Variants in ROBO3 observed in about 807,000 individuals in gnomAD.
The protein encoded by ROBO3 is roundabout homolog 3.
Under a neutral mutation model 160.5 loss-of-function variants are expected in ROBO3, and 97 were observed. The ratio of observed to expected loss-of-function variants is 0.60; its 90% CI spans 0.51 to 0.72. The LOEUF (loss-of-function observed/expected upper bound fraction) is 0.72, where lower values mean the gene tolerates loss of function less well. Among genes scored for constraint, ROBO3 ranks in the 30% least tolerant of loss-of-function variants. The pLI is 0.00. For missense variants in ROBO3, 1,858 were observed against 1,846.5 expected, an observed-to-expected ratio of 1.01 and a Z score of -0.11; for synonymous variants, 780 against 746.2, an observed-to-expected ratio of 1.05 and a Z score of -0.74.
Position 124,874,780 on chromosome 11 carries a change from G to A in ROBO3, c.1952-8G>A, listed in dbSNP as rs1415469506. 1.0e-5 allele frequency: 16 copies of A among 1,604,804 alleles called. No homozygotes were observed. The highest frequency in any genetic ancestry group is 2.7e-5 in the African/African-American group (2 of 74,826). ...TGGCCTCTGCTGAATGGGTTCCTTG[G>A]TCAACAGATAGCAGCCCCTCTAGGC... On this transcript the variant is annotated splice_polypyrimidine_tract_variant and splice_region_variant and intron_variant, in intron 12 of 27. Transcript: ENST00000397801.
In ROBO3 at chr11:124,870,294, C is replaced by T. The variant is rs1377020147; in HGVS notation, c.896C>T (p.Pro299Leu). Residue 299 changes from proline (P) to leucine (L), a missense_variant, in exon 5 of 28, where the codon CCC becomes CTC. By Grantham distance (98) the Pro-to-Leu change is moderately conservative. Coordinates refer to ENST00000397801, the MANE Select transcript of ROBO3 (RefSeq NM_022370.4). ...LRWRKEDGEL[P>L]TGRYEIRSDH... The stretch of plus-strand genomic sequence containing the variant: ...TGGCGCAAGGAGGATGGGGAACTGC[C>T]CACAGGCAGGTGAGAGACCCCCTTC... 6.2e-7 allele frequency: 1 copy of T among 1,613,690 alleles called. No homozygotes were observed. The highest frequency in any genetic ancestry group is 1.1e-5 in the South Asian group (1 of 91,038).
chr11:124,878,043 CT>C lies in ROBO3; in HGVS notation c.3095del (p.Phe1032SerfsTer36), dbSNP rs1312585467. The C allele has an allele frequency of 6.2e-7, 1 of 1,612,714 alleles. No homozygotes were observed. The highest frequency in any genetic ancestry group is 1.7e-5 in the Admixed American group (1 of 59,854). On this transcript the variant is annotated frameshift_variant, in exon 21 of 28. Transcript: ENST00000397801. LOFTEE classifies it high-confidence loss of function. This position sits in a 1 kb window ranked among gnomAD's most constrained non-coding sequence, Gnocchi z 4.3. ...IDPAGEELQT[F>X]HGGFPQHPSG... ...ACCCAGCGGGGGAGGAGCTGCAGAC[CT>C]TCCATGGGGGCTTCCCCCAACATCC...
intron 1 of ROBO3, among the ~76,000 whole-genome samples, chr11:124,867,193 G>A (rs1946209504): frequency 6.6e-6 from 1 of 152,172 alleles, no homozygotes; most frequent in Non-Finnish European, 1.5e-5. Flanking sequence ...ATTGGGGCCT[G>A]GTAGAATTTG....
rs776536732 is a variant in ROBO3 at position 124,879,502 on chromosome 11, A to T, written c.3723A>T (p.Pro1241=). ...TWQGNGEMTP[P]LQGPRARFRK... ...AGGGGAATGGGGAGATGACTCCCCC[A>T]CTTCAAGGACCCCGTGCTCGATTCC... The change falls in exon 25 of 28, where the codon CCA becomes CCT. Residue 1241 remains proline (P), a synonymous_variant. Transcript: ENST00000397801. 1 of 1,613,612 alleles carries T rather than the reference A, an allele frequency of 6.2e-7. No individual in the cohort carries two copies. The highest frequency in any genetic ancestry group is 1.7e-4 in the Middle Eastern group (1 of 6,060).
intron 27 of ROBO3, 38 bp downstream of exon 27, chr11:124,880,646 A>G: frequency 3.4e-6 from 5 of 1,491,032 alleles, no homozygotes; most frequent in Non-Finnish European, 4.5e-6. Context: ...AGGGCAGAGG[A>G]CTAGGGAAGG....
Position 124,872,048 on chromosome 11 carries a change from A to G in ROBO3, c.1159-333A>G, listed in dbSNP as rs1946285323. Among the ~76,000 whole-genome samples, 1 of 152,198 alleles carries G rather than the reference A, an allele frequency of 6.6e-6. No individual in the cohort carries two copies. The highest frequency in any genetic ancestry group is 1.5e-5 in the Non-Finnish European group (1 of 68,042). ...TGTGTTTACCACAACGTGTTAGAAGACTTTCATATGATTACTTCATGTGAT... is the reference window on the plus strand; with the variant it reads ...TGTGTTTACCACAACGTGTTAGAAGGCTTTCATATGATTACTTCATGTGAT... On this transcript the variant is annotated intron_variant, in intron 7 of 27. Coordinates refer to ENST00000397801, the MANE Select transcript of ROBO3 (RefSeq NM_022370.4). This position sits in a 1 kb window ranked among gnomAD's most constrained non-coding sequence, Gnocchi z 4.3.
rs1385478803 is a variant in ROBO3 at position 124,870,313 on chromosome 11, C to A, written c.905+10C>A. The stretch of plus-strand genomic sequence containing the variant: ...AACTGCCCACAGGCAGGTGAGAGAC[C>A]CCCTTCTGCCTGTAGGAAGACCCAA... On this transcript the variant is annotated intron_variant, in intron 5 of 27. Coordinates refer to ENST00000397801, the MANE Select transcript of ROBO3 (RefSeq NM_022370.4). 8 of 1,611,474 alleles carry A rather than the reference C, an allele frequency of 5.0e-6. No homozygotes were observed. Among genetic ancestry groups the A allele is most frequent in the Non-Finnish European group, 6.8e-6 (8 of 1,178,744 alleles).
Position 124,875,294 on chromosome 11 carries a change from G to A in ROBO3, c.2257G>A (p.Gly753Arg). 1 of 1,613,658 alleles carries A rather than the reference G, an allele frequency of 6.2e-7. No individual in the cohort carries two copies. The highest frequency in any genetic ancestry group is 8.5e-7 in the Non-Finnish European group (1 of 1,179,832). ...GCAAGCCCAAGGCCAGGAGGGGCTG[G>A]GGGCTGAAAGCCTCTCTGTGACCAG... ...KVQAQGQEGL[G>R]AESLSVTRSI... Residue 753 changes from glycine to arginine, a missense_variant, in exon 14 of 28, where the codon GGG becomes AGG. Gly to Arg is a moderately radical substitution (Grantham distance 125). Coordinates refer to ENST00000397801, the MANE Select transcript of ROBO3 (RefSeq NM_022370.4).
rs1946505879 is a variant in ROBO3, at chr11:124,879,567, G to C, written c.3788G>C (p.Ser1263Thr). 1.2e-6 allele frequency: 2 copies of C among 1,612,424 alleles called. No homozygotes were observed. The highest frequency in any genetic ancestry group is 1.7e-6 in the Non-Finnish European group (2 of 1,178,762). Residue 1263 changes from serine to threonine, a missense_variant, in exon 25 of 28, where the codon AGT (serine) becomes ACT (threonine). Ser to Thr is a moderately conservative substitution (Grantham distance 58, BLOSUM62 1). Transcript: ENST00000397801. ...PKALPYRREN[S>T]PGDLPPPPLP... ...GCTCTTCCCTACAGGAGGGAGAACA[G>C]TCCTGGGGGTGAGGGGGGATGCACC...
At chr11:124,871,223 T>C in intron 7 of ROBO3, 85 bp downstream of exon 7, 1 of 1,454,878 alleles carries the variant, frequency 6.9e-7, no homozygotes, top group Admixed American at 2.2e-5. Flanking sequence ...AACTTCTCTC[T>C]GGGGCTTCTG....
rs544680178 is a variant in ROBO3, at chr11:124,879,409, C to T, written c.3686-56C>T. On this transcript the variant is annotated intron_variant, in intron 24 of 27. Coordinates refer to ENST00000397801, the MANE Select transcript of ROBO3 (RefSeq NM_022370.4). The stretch of plus-strand genomic sequence containing the variant: ...TGCTTGCTTCCCCTTCACCCTTAGG[C>T]CTTTTTCCTGATTTTTGCCCTTACC... The T allele has an allele frequency of 4.4e-6, 7 of 1,608,096 alleles. No individual in the cohort carries two copies. In the East Asian group the frequency reaches 1.6e-4, roughly 36 times the overall value.
chr11:124,868,407 T>C (rs919720672), intron 1 of ROBO3: 12 of 522,942 alleles, frequency 2.3e-5, no homozygotes, highest in Admixed American at 2.2e-4. Context: ...GCAAGGACGA[T>C]CCGTGAACCA....
chr11:124,875,506 G>A, intron 14 of ROBO3, 58 bp from the exon 15 acceptor site: 3 of 1,600,010 alleles, frequency 1.9e-6, no homozygotes, highest in Non-Finnish European at 2.6e-6. Flanking sequence ...GTTGGGGCAG[G>A]AGGGGCAGCT....
In ROBO3 at chr11:124,875,128, G is replaced by A. The variant is rs1356660129; in HGVS notation, c.2091G>A (p.Gln697=). Residue 697 remains glutamine, a synonymous_variant, in exon 14 of 28, where the codon CAG becomes CAA. Coordinates refer to ENST00000397801, the MANE Select transcript of ROBO3 (RefSeq NM_022370.4). ...TCCCACAGGTGGATGGCCCAGTCCA[G>A]CTGGTGCAAGGTTTCCGGGTGTCTT... ...QVSWTVDGPV[Q]LVQGFRVSWR... is the part of the protein sequence containing the mutation. 6.2e-7 allele frequency: 1 copy of A among 1,608,942 alleles called. No individual in the cohort carries two copies. Among genetic ancestry groups the A allele is most frequent in the Admixed American group, 1.7e-5 (1 of 58,956 alleles).
At chr11:124,879,047 C>A in intron 23 of ROBO3, 143 bp from the exon 24 acceptor site, 1 of 991,272 alleles carries the variant, frequency 1.0e-6, no homozygotes, top group Non-Finnish European at 1.5e-6. Flanking sequence ...TCTCCTTATG[C>A]TTCTCTAGCT....
rs1436072546 is a variant in ROBO3, at chr11:124,873,656, C to G, written c.1619-41C>G. The G allele has an allele frequency of 1.3e-6, 2 of 1,555,558 alleles. No homozygotes were observed. The highest frequency in any genetic ancestry group is 3.5e-5 in the Admixed American group (2 of 56,400). ...GGAGACAGGTTACACTAGGATTATCCTTTCCCTATCTTTCTACTTAAAGAT... is the reference window on the plus strand; with the variant it reads ...GGAGACAGGTTACACTAGGATTATCGTTTCCCTATCTTTCTACTTAAAGAT... On this transcript the variant is annotated intron_variant, in intron 10 of 27. Transcript: ENST00000397801. This position sits in a 1 kb window ranked among gnomAD's most constrained non-coding sequence, Gnocchi z 4.5.
In ROBO3 at chr11:124,878,300, G is replaced by A. The variant is rs111277969; in HGVS notation, c.3184G>A (p.Ala1062Thr). The change falls in exon 22 of 28, where the codon GCC becomes ACC. Residue 1062 changes from alanine to threonine, a missense_variant and splice_region_variant. By Grantham distance (58) the Ala-to-Thr change is moderately conservative (BLOSUM62 0). Transcript: ENST00000397801. The surrounding 1 kb of genome is among the most constrained non-coding windows in gnomAD (Gnocchi z 4.3). ...PPEWSQGDSG[A>T]KGGKVKLLGK... Reference sequence around the variant, plus strand: ...TGTCCCCATCCTATTCTCCTCAGGAGCCAAGGGAGGCAAAGTGAAGCTTCT... The same window carrying A: ...TGTCCCCATCCTATTCTCCTCAGGAACCAAGGGAGGCAAAGTGAAGCTTCT... 44,686 of 1,612,880 alleles carry A rather than the reference G, an allele frequency of 0.028. 693 individuals are homozygous for A. The highest frequency in any genetic ancestry group is 0.034 in the African/African-American group (2,568 of 75,010).
intron 27 of ROBO3, 51 bp downstream of exon 27, chr11:124,880,659 G>A: frequency 6.8e-7 from 1 of 1,464,760 alleles, no homozygotes; most frequent in Admixed American, 2.5e-5. Flanking sequence ...AGGGAAGGGT[G>A]GACCAAGGCG....
chr11:124,868,919 C>A lies in ROBO3; in HGVS notation c.278C>A (p.Pro93His), dbSNP rs1233442604. ...LPCRAEGRPR[P>H]NIEWYKNGAR... ...TGCCGCGCTGAAGGCCGACCCCGACCCAACATTGAGTGGTACAAGAACGGG... is the reference window on the plus strand; with the variant it reads ...TGCCGCGCTGAAGGCCGACCCCGACACAACATTGAGTGGTACAAGAACGGG... Residue 93 changes from proline to histidine, a missense_variant, in exon 2 of 28, where the codon CCC (proline) becomes CAC (histidine). By Grantham distance (77) the Pro-to-His change is moderately conservative. Transcript: ENST00000397801. 3 of 1,607,760 alleles carry A rather than the reference C, an allele frequency of 1.9e-6. No homozygotes were observed. Among genetic ancestry groups the A allele is most frequent in the Non-Finnish European group, 1.7e-6 (2 of 1,177,834 alleles).
Sources: allele counts gnomAD v4.1 joint callset (sites outside exome capture counted in the v4.1 genomes callset), GRCh38; gene constraint gnomAD v4.1.1; non-coding constraint Gnocchi (gnomAD v3.1); transcripts MANE v1.5; gene names NCBI Gene and HGNC (gene_info 2026-07-23, HGNC 2026-07-21).